WWP2: variants seen among roughly 807,000 people sequenced by gnomAD.
WWP2 encodes the protein WW domain containing E3 ubiquitin protein ligase 2.
Under a neutral mutation model 121.0 loss-of-function variants are expected in WWP2, and 57 were observed. The ratio of observed to expected loss-of-function variants is 0.47; its 90% CI spans 0.38 to 0.59. The LOEUF (loss-of-function observed/expected upper bound fraction) is 0.59. WWP2 is among the 20% of genes least tolerant of loss of function. WWP2 has a pLI of 0.00. For missense variants in WWP2, 962 were observed against 1,158.9 expected (o/e 0.83, Z 2.47); for synonymous variants, 449 against 441.3 (o/e 1.02, Z -0.22).
intron 4 of WWP2, among the ~76,000 whole-genome samples, chr16:69,806,599 G>T (rs1433784971): frequency 6.6e-6 from 1 of 151,844 alleles, no homozygotes; most frequent in East Asian, 1.9e-4. Flanking sequence ...ATAATTACTG[G>T]TTTGTTCAGC....
At chr16:69,910,294 T>C (rs2058359989) in intron 9 of WWP2, 1 of 871,994 alleles carries the variant, frequency 1.1e-6, no homozygotes, top group Non-Finnish European at 1.4e-6. Context: ...AGTCAATATT[T>C]GACTTTCTAT....
chr16:69,933,064 T>C (rs1434449176), intron 16 of WWP2: 2 of 496,178 alleles, frequency 4.0e-6, no homozygotes, highest in East Asian at 5.7e-5. Flanking sequence ...GGGCTTCTGG[T>C]GTGGCCGCGC....
chr16:69,939,312 A>ACGT, intron 22 of WWP2, 29 bp from the exon 23 acceptor site: 1 of 1,613,970 alleles, frequency 6.2e-7, no homozygotes, highest in Non-Finnish European at 8.5e-7. Flanking sequence ...GTCTCTGCTG[A>ACGT]CGTCGGCGTG....
At chr16:69,892,928 A>T (rs577826756) in intron 8 of WWP2, among the ~76,000 whole-genome samples, 8 of 152,324 alleles carry the variant, frequency 5.3e-5, no homozygotes, top group African/African-American at 1.4e-4. Context: ...TAAATTCCCA[A>T]ATCCTTAATA....
intron 10 of WWP2, among the ~76,000 whole-genome samples, chr16:69,921,121 C>A (rs1375927087): frequency 6.6e-6 from 1 of 152,146 alleles, no homozygotes; most frequent in Non-Finnish European, 1.5e-5. Context: ...GTGATAGTTA[C>A]CTTTTCTCCA....
intron 6 of WWP2, among the ~76,000 whole-genome samples, chr16:69,858,734 G>C (rs1377475597): frequency 1.3e-5 from 2 of 152,166 alleles, no homozygotes; most frequent in Non-Finnish European, 2.9e-5. Context: ...TCTTGTTTGG[G>C]AAAAGAAGGT....
chr16:69,856,629 C>G (rs2099313528), intron 6 of WWP2, among the ~76,000 whole-genome samples: 1 of 151,962 alleles, frequency 6.6e-6, no homozygotes, highest in African/African-American at 2.4e-5. Flanking sequence ...CAAAAATTAG[C>G]TGGGTGTGGT....
At position 69,935,782 on chromosome 16, in the gene WWP2, A is replaced by C; in HGVS notation, c.1843-71A>C. ...GTAGCGGTAGCAGAGTTTGATACCG[A>C]GCATCTGAGAGCTGGTCTTGGCAGT... On this transcript the variant is annotated intron_variant, in intron 17 of 23. Coordinates refer to ENST00000359154, the MANE Select transcript of WWP2 (RefSeq NM_001270454.2). The surrounding 1 kb of genome is among the most constrained non-coding windows in gnomAD (Gnocchi z 5.2). 6.5e-7 allele frequency: 1 copy of C among 1,540,232 alleles called. No homozygotes were observed. Among genetic ancestry groups the C allele is most frequent in the Non-Finnish European group, 8.7e-7 (1 of 1,146,692 alleles).
intron 8 of WWP2, among the ~76,000 whole-genome samples, chr16:69,907,668 CT>C (rs1163937161): frequency 6.6e-6 from 1 of 152,142 alleles, no homozygotes; most frequent in African/African-American, 2.4e-5. Flanking sequence ...TGGTCCTTGG[CT>C]GTATTTTGTA....
chr16:69,875,591 C>T (rs1009935350), intron 7 of WWP2, among the ~76,000 whole-genome samples: 1 of 152,236 alleles, frequency 6.6e-6, no homozygotes, highest in East Asian at 1.9e-4. Flanking sequence ...ATGGAATATT[C>T]TAAATCCTTG....
intron 1 of WWP2, among the ~76,000 whole-genome samples, chr16:69,785,118 A>G (rs548679429): frequency 6.6e-6 from 1 of 151,884 alleles, no homozygotes; most frequent in African/African-American, 2.4e-5. Flanking sequence ...CTCTAATTCC[A>G]GCTACCCATG....
chr16:69,935,331 A>G lies in WWP2; in HGVS notation c.1843-522A>G, dbSNP rs765787035. ...CTCTGGAAATGGGCACATTCTTCCC[A>G]GGTCTAGAGACCCGCCTGGCCCAGC... On this transcript the variant is annotated intron_variant, in intron 17 of 23. Coordinates refer to ENST00000359154, the MANE Select transcript of WWP2 (RefSeq NM_001270454.2). This position sits in a 1 kb window ranked among gnomAD's most constrained non-coding sequence, Gnocchi z 5.2. Among the ~76,000 whole-genome samples the G allele has an allele frequency of 5.3e-5, 8 of 152,160 alleles. No homozygotes were observed. The highest frequency in any genetic ancestry group is 1.0e-4 in the Non-Finnish European group (7 of 68,038).
intron 7 of WWP2, 130 bp downstream of exon 7, chr16:69,872,061 G>C: frequency 7.3e-7 from 1 of 1,361,142 alleles, no homozygotes; most frequent in Non-Finnish European, 9.8e-7. Flanking sequence ...GACTAAACTG[G>C]ATTTGAATCC....
intron 8 of WWP2, among the ~76,000 whole-genome samples, chr16:69,889,153 A>G (rs1356382256): frequency 6.6e-6 from 1 of 151,860 alleles, no homozygotes; most frequent in Non-Finnish European, 1.5e-5. Context: ...GCCTACACAC[A>G]CACACACACA....
intron 1 of WWP2, among the ~76,000 whole-genome samples, chr16:69,777,457 C>T (rs1038615395): frequency 5.3e-5 from 8 of 151,668 alleles, no homozygotes; most frequent in Admixed American, 3.3e-4. Context: ...CCTGCCACCA[C>T]GACCAGATAA....
At chr16:69,921,508 A>AAC in intron 10 of WWP2, among the ~76,000 whole-genome samples, 1 of 152,296 alleles carries the variant, frequency 6.6e-6, no homozygotes, top group Non-Finnish European at 1.5e-5. Context: ...TGTCTGCCTC[A>AAC]ACACACACCT....
chr16:69,926,574 C>A (rs567480342), intron 11 of WWP2, among the ~76,000 whole-genome samples: 3 of 152,104 alleles, frequency 2.0e-5, no homozygotes, highest in Non-Finnish European at 2.9e-5. Flanking sequence ...TTGTGTCAAC[C>A]CTGTTATACC....
chr16:69,818,550 C>G (rs2056537601), intron 4 of WWP2, among the ~76,000 whole-genome samples: 1 of 152,180 alleles, frequency 6.6e-6, no homozygotes, highest in East Asian at 1.9e-4. Flanking sequence ...TTCTGCTGCT[C>G]TGCTGCATTT....
Position 69,936,073 on chromosome 16 carries a change from T to C in WWP2, c.1976+87T>C, listed in dbSNP as rs889592355. The C allele has an allele frequency of 2.6e-6, 4 of 1,557,750 alleles. No homozygotes were observed. In the Admixed American group the frequency reaches 7.6e-5, roughly 30 times the overall value. On this transcript the variant is annotated intron_variant, in intron 18 of 23. Transcript: ENST00000359154. ...AGGTACTGATGGCCTTTATTTTGTC[T>C]GCCAGTGTGGCCCCTGAGCTCTTTT...
Sources: gnomAD v4.1 joint callset for allele counts (sites outside exome capture counted in the v4.1 genomes callset) on GRCh38, gnomAD v4.1.1 for gene constraint, Gnocchi (gnomAD v3.1) non-coding constraint, MANE v1.5 for transcripts, NCBI Gene and HGNC (gene_info 2026-07-23, HGNC 2026-07-21) for gene names.